Variants in VWA3B observed in about 807,000 individuals in gnomAD.
VWA3B encodes von Willebrand factor A domain-containing protein 3B.
Under a neutral mutation model 158.3 loss-of-function variants are expected in VWA3B, and 138 were observed. The ratio of observed to expected loss-of-function variants is 0.87; its 90% CI spans 0.76 to 1.00. The LOEUF (loss-of-function observed/expected upper bound fraction) is 1.00, where lower values mean the gene tolerates loss of function less well. VWA3B is among the 50% of genes least tolerant of loss of function. The pLI is 0.00. For synonymous variants in VWA3B, 596 were observed against 587.3 expected (o/e 1.01, Z -0.21); for missense variants, 1,555 against 1,565.1 (o/e 0.99, Z 0.11).
intron 17 of VWA3B, 81 bp from the exon 18 acceptor site, chr2:98,236,309 T>G: frequency 2.1e-6 from 3 of 1,448,316 alleles, no homozygotes; most frequent in Non-Finnish European, 2.9e-6. Context: ...ACAGCTGGAC[T>G]GAGACAAGCG....
At chr2:98,108,333 C>G (rs1365757396) in intron 2 of VWA3B, among the ~76,000 whole-genome samples, 1 of 152,082 alleles carries the variant, frequency 6.6e-6, no homozygotes, top group East Asian at 1.9e-4. Context: ...GTGTATTCTG[C>G]TGTTGTTTTA....
intron 21 of VWA3B, among the ~76,000 whole-genome samples, chr2:98,259,617 T>C (rs1016031159): frequency 6.6e-6 from 1 of 151,740 alleles, no homozygotes; most frequent in Non-Finnish European, 1.5e-5. Context: ...TAGTAGTAAT[T>C]ATGTGTTTTT....
At chr2:98,198,370 C>T (rs1682239081) in intron 12 of VWA3B, among the ~76,000 whole-genome samples, 1 of 151,944 alleles carries the variant, frequency 6.6e-6, no homozygotes, top group Non-Finnish European at 1.5e-5. Context: ...TTTAACTTTA[C>T]AGTATCCATT....
Position 98,181,028 on chromosome 2 carries a change from CCT to C in VWA3B, c.1130_1131del (p.Ser377CysfsTer2). The C allele has an allele frequency of 6.2e-7, 1 of 1,614,116 alleles. No homozygotes were observed. Among genetic ancestry groups the C allele is most frequent in the East Asian group, 2.2e-5 (1 of 44,872 alleles). Reference sequence around the variant, plus strand: ...TGTGATTCTACAGAGTCAGAAACAACCTCTGTTGAGATTGCATCGAATCCAGA... The same window carrying C: ...TGTGATTCTACAGAGTCAGAAACAACCTGTTGAGATTGCATCGAATCCAGA... On this transcript the variant is annotated frameshift_variant, in exon 9 of 28. Transcript: ENST00000477737. LOFTEE classifies it high-confidence loss of function.
At chr2:98,152,587 T>G (rs144992611) in intron 7 of VWA3B, among the ~76,000 whole-genome samples, 1 of 152,360 alleles carries the variant, frequency 6.6e-6, no homozygotes, top group East Asian at 1.9e-4. Context: ...TTTATTTTGG[T>G]TCTCTTCCTG....
chr2:98,121,541 C>A, intron 5 of VWA3B, 83 bp downstream of exon 5: 1 of 1,532,360 alleles, frequency 6.5e-7, no homozygotes, highest in South Asian at 1.2e-5. Flanking sequence ...TTACACGGCC[C>A]TTCAACTGAT....
rs1278849847 is a variant in VWA3B, at chr2:98,225,243, T to C, written c.2020-2959T>C. 3.9e-5 allele frequency among the ~76,000 whole-genome samples: 6 copies of C among 152,262 alleles called. No homozygotes were observed. The East Asian group carries it at 1.2e-3, about 29-fold the overall frequency. On this transcript the variant is annotated intron_variant, in intron 14 of 27. Transcript: ENST00000477737. ...GCCGCCCCACCTGGCTACTTGTTTT[T>C]GTATATTGGAAATATTTGTTCATTT...
chr2:98,179,264 T>C (rs1217762771), intron 8 of VWA3B: 9 of 471,054 alleles, frequency 1.9e-5, no homozygotes, highest in South Asian at 1.4e-4. Flanking sequence ...AAGTTTCGAG[T>C]CATCTGGAAA....
chr2:98,272,357 G>T (rs1688254274), intron 22 of VWA3B, among the ~76,000 whole-genome samples: 1 of 152,220 alleles, frequency 6.6e-6, no homozygotes, highest in African/African-American at 2.4e-5. Flanking sequence ...CATCATGTGA[G>T]CGATGCAGGA....
intron 18 of VWA3B, 43 bp downstream of exon 18, chr2:98,236,520 G>A (rs1377780035): frequency 1.2e-6 from 2 of 1,613,814 alleles, no homozygotes; most frequent in Non-Finnish European, 1.7e-6. Flanking sequence ...TTATGCTTCT[G>A]TTGGTTAACC....
rs1690077634 is a variant in VWA3B at position 98,300,067 on chromosome 2, TC to T, written c.3283-11del. On this transcript the variant is annotated splice_polypyrimidine_tract_variant and intron_variant, in intron 24 of 27. Coordinates refer to ENST00000477737, the MANE Select transcript of VWA3B (RefSeq NM_144992.5). Reference sequence around the variant, plus strand: ...CATAAGCAAAATATTTGCTCTATGTTCTCCTCTGCAGGTTGGAGATTATGTG... The same window carrying T: ...CATAAGCAAAATATTTGCTCTATGTTTCCTCTGCAGGTTGGAGATTATGTG... The T allele has an allele frequency of 6.2e-7, 1 of 1,614,060 alleles. No individual in the cohort carries two copies. The highest frequency in any genetic ancestry group is 1.3e-5 in the African/African-American group (1 of 74,936).
At chr2:98,118,335 A>G (rs1043058556) in intron 3 of VWA3B, among the ~76,000 whole-genome samples, 1 of 152,178 alleles carries the variant, frequency 6.6e-6, no homozygotes, top group African/African-American at 2.4e-5. Flanking sequence ...TGAGGTTGAC[A>G]GACACATGGG....
At chr2:98,115,999 G>T (rs985093129) in intron 3 of VWA3B, among the ~76,000 whole-genome samples, 1 of 151,964 alleles carries the variant, frequency 6.6e-6, no homozygotes, top group African/African-American at 2.4e-5. Context: ...TTACCACTTC[G>T]TTTTGCTTTG....
chr2:98,247,706 T>C lies in VWA3B; in HGVS notation c.2674-2612T>C, dbSNP rs534147821. Among the ~76,000 whole-genome samples the C allele has an allele frequency of 8.7e-4, 132 of 152,276 alleles. 1 individual carries two copies. Among genetic ancestry groups the C allele is most frequent in the African/African-American group, 3.1e-3 (128 of 41,538 alleles). ...TTGAGTTGCTTTTAAGATTTTCTTT[T>C]AGATTCAGTATGCTGCAGTCTTATG... On this transcript the variant is annotated intron_variant, in intron 19 of 27. Coordinates refer to ENST00000477737, the MANE Select transcript of VWA3B (RefSeq NM_144992.5).
intron 19 of VWA3B, among the ~76,000 whole-genome samples, chr2:98,240,579 A>G (rs939734388): frequency 6.6e-6 from 1 of 152,230 alleles, no homozygotes; most frequent in Non-Finnish European, 1.5e-5. Flanking sequence ...GACAGAGTAA[A>G]GTAGTACTCT....
At chr2:98,180,246 G>A (rs936294057) in intron 8 of VWA3B, among the ~76,000 whole-genome samples, 1 of 151,576 alleles carries the variant, frequency 6.6e-6, no homozygotes, top group African/African-American at 2.4e-5. Flanking sequence ...CCAGGCTGGA[G>A]CGCAGTGGTG....
chr2:98,196,480 C>T (rs759250754), intron 12 of VWA3B, among the ~76,000 whole-genome samples: 2 of 152,114 alleles, frequency 1.3e-5, no homozygotes, highest in Admixed American at 6.5e-5. Flanking sequence ...GTAGTCAACC[C>T]GGTAGCACTC....
chr2:98,262,514 T>A (rs1039018617), intron 21 of VWA3B, among the ~76,000 whole-genome samples: 7 of 151,866 alleles, frequency 4.6e-5, no homozygotes, highest in African/African-American at 1.7e-4. Flanking sequence ...GAATCACTTC[T>A]TGGAGAGACT....
chr2:98,124,999 G>A (rs1276986979), intron 5 of VWA3B, among the ~76,000 whole-genome samples: 1 of 152,228 alleles, frequency 6.6e-6, no homozygotes, highest in Non-Finnish European at 1.5e-5. Context: ...TAAAGGAGCT[G>A]AATGGAACTC....
Sources: allele counts gnomAD v4.1 joint callset (sites outside exome capture counted in the v4.1 genomes callset), GRCh38; gene constraint gnomAD v4.1.1; transcripts MANE v1.5; gene names NCBI Gene and HGNC (gene_info 2026-07-23, HGNC 2026-07-21).